GNB1: variants seen among roughly 807,000 people sequenced by gnomAD.
GNB1 encodes G protein subunit beta 1.
A neutral mutation model predicts 42.9 loss-of-function variants in GNB1; 2 were observed. That is an observed-to-expected ratio of 0.05 (90% CI 0.02 to 0.15). The LOEUF (loss-of-function observed/expected upper bound fraction) is 0.15. GNB1 is among the 10% of genes least tolerant of loss of function. The pLI is 1.00. For synonymous variants in GNB1, 183 were observed against 174.7 expected, an observed-to-expected ratio of 1.05 and a Z score of -0.38; for missense variants, 193 against 462.2, an observed-to-expected ratio of 0.42 and a Z score of 5.34.
rs754493796 is a variant in GNB1, at chr1:1,842,715, A to G, written c.-95-3477T>C. Among the ~76,000 whole-genome samples the G allele has an allele frequency of 2.4e-4, 37 of 152,314 alleles. 1 individual carries two copies. The highest frequency in any genetic ancestry group is 5.1e-4 in the Non-Finnish European group (35 of 68,034). On this transcript the variant is annotated intron_variant, in intron 1 of 11. Coordinates refer to ENST00000378609, the MANE Select transcript of GNB1 (RefSeq NM_002074.5). Reference sequence around the variant, plus strand: ...GAAAATGTCATGGAATTAGCTAGAGACGGTGGTTGCAACACATTGTAAATG... The same window carrying G: ...GAAAATGTCATGGAATTAGCTAGAGGCGGTGGTTGCAACACATTGTAAATG...
chr1:1,792,453 T>C (rs1052930461), intron 8 of GNB1, among the ~76,000 whole-genome samples: 2 of 152,124 alleles, frequency 1.3e-5, no homozygotes, highest in African/African-American at 4.8e-5. Flanking sequence ...ATCCCAGCAC[T>C]TTCAGAGGCT....
At chr1:1,825,894 T>C (rs913224691) in intron 2 of GNB1, among the ~76,000 whole-genome samples, 2 of 151,448 alleles carry the variant, frequency 1.3e-5, no homozygotes, top group South Asian at 2.1e-4. Flanking sequence ...GTCTGAGAAC[T>C]ATGGTCTCAT....
chr1:1,854,270 G>A (rs1438902635), intron 1 of GNB1, among the ~76,000 whole-genome samples: 4 of 152,170 alleles, frequency 2.6e-5, no homozygotes, highest in South Asian at 4.1e-4. Context: ...ATCTGAGCGG[G>A]GTCCCAAGGA....
intron 2 of GNB1, among the ~76,000 whole-genome samples, chr1:1,833,904 G>C (rs1441839082): frequency 6.6e-6 from 1 of 152,124 alleles, no homozygotes; most frequent in Non-Finnish European, 1.5e-5. Flanking sequence ...CAAAGCTCTA[G>C]AACTAGAAGA....
chr1:1,791,410 G>A (rs1433932601), intron 8 of GNB1, among the ~76,000 whole-genome samples: 1 of 152,016 alleles, frequency 6.6e-6, no homozygotes, highest in Non-Finnish European at 1.5e-5. Context: ...CCTGACCTCA[G>A]GTGATCCGCC....
intron 5 of GNB1, among the ~76,000 whole-genome samples, chr1:1,810,434 G>A (rs968056340): frequency 4.6e-5 from 7 of 151,534 alleles, no homozygotes; most frequent in Non-Finnish European, 1.0e-4. Context: ...TACTCAGGAG[G>A]CTGAGGCAGG....
chr1:1,789,631 G>A (rs1646454999), intron 9 of GNB1, among the ~76,000 whole-genome samples: 1 of 151,706 alleles, frequency 6.6e-6, no homozygotes, highest in Admixed American at 6.6e-5. Flanking sequence ...GGCGGCGGAG[G>A]CTGCGGTGAG....
intron 1 of GNB1, among the ~76,000 whole-genome samples, chr1:1,844,632 G>A (rs1647520724): frequency 6.6e-6 from 1 of 152,132 alleles, no homozygotes; most frequent in Non-Finnish European, 1.5e-5. Context: ...ACTTGTGGGG[G>A]ATGATTTCTT....
intron 8 of GNB1, among the ~76,000 whole-genome samples, chr1:1,792,240 C>T (rs1178440972): frequency 6.6e-6 from 1 of 152,060 alleles, no homozygotes; most frequent in Non-Finnish European, 1.5e-5. Flanking sequence ...TGAATTGTGA[C>T]GTCTGTTATT....
intron 1 of GNB1, among the ~76,000 whole-genome samples, chr1:1,845,273 CATA>C (rs1213482545): frequency 6.6e-6 from 1 of 152,138 alleles, no homozygotes; most frequent in Non-Finnish European, 1.5e-5. Flanking sequence ...ATATTGGTGG[CATA>C]ATAATGCTTA....
intron 2 of GNB1, among the ~76,000 whole-genome samples, chr1:1,827,341 G>C (rs1363114079): frequency 6.6e-6 from 1 of 152,188 alleles, no homozygotes; most frequent in Non-Finnish European, 1.5e-5. Context: ...GGGGAGGCAG[G>C]CTGCACAGCA....
At chr1:1,846,810 T>C (rs750148751) in intron 1 of GNB1, among the ~76,000 whole-genome samples, 1 of 152,158 alleles carries the variant, frequency 6.6e-6, no homozygotes, top group Non-Finnish European at 1.5e-5. Flanking sequence ...TCCTCCTCCC[T>C]TGGCCTCCCA....
intron 1 of GNB1, chr1:1,839,538 T>C (rs1647196195): frequency 6.6e-6 from 1 of 151,866 alleles, no homozygotes; most frequent in African/African-American, 2.4e-5. Flanking sequence ...CTAGAAAAAT[T>C]ACAGTAACAA....
chr1:1,790,601 A>G lies in GNB1; in HGVS notation c.498-5T>C. The G allele has an allele frequency of 6.2e-7, 1 of 1,607,266 alleles. No individual in the cohort carries two copies. Among genetic ancestry groups the G allele is most frequent in the Non-Finnish European group, 8.5e-7 (1 of 1,173,916 alleles). ...GTCTCGATGTCCCACAGGGCACTGG[A>G]GCAGGAGCGAATGACAAGGGGACAT... On this transcript the variant is annotated splice_polypyrimidine_tract_variant and splice_region_variant and intron_variant, in intron 8 of 11. Coordinates refer to ENST00000378609, the MANE Select transcript of GNB1 (RefSeq NM_002074.5). The surrounding 1 kb of genome is among the most constrained non-coding windows in gnomAD (Gnocchi z 5.4).
chr1:1,874,605 TAAAAAAAAA>T (rs34864042), intron 1 of GNB1, among the ~76,000 whole-genome samples: 36 of 47,024 alleles, frequency 7.7e-4, no homozygotes, highest in Middle Eastern at 0.02. Flanking sequence ...AGACTCCATC[TAAAAAAAAA>T]AAAAAAAAAA....
intron 1 of GNB1, among the ~76,000 whole-genome samples, chr1:1,864,849 C>T (rs576349443): frequency 1.3e-5 from 2 of 152,352 alleles, no homozygotes; most frequent in East Asian, 1.9e-4. Context: ...TTTCACAAAA[C>T]GTAAAGGTTT....
chr1:1,845,600 AAATAAT>A (rs773319374), intron 1 of GNB1, among the ~76,000 whole-genome samples: 2 of 151,790 alleles, frequency 1.3e-5, no homozygotes, highest in African/African-American at 4.8e-5. Context: ...AATAAAATAA[AAATAAT>A]AATAATAATG....
intron 8 of GNB1, among the ~76,000 whole-genome samples, chr1:1,792,919 A>T (rs967758649): frequency 9.2e-5 from 14 of 151,934 alleles, no homozygotes; most frequent in African/African-American, 3.4e-4. Flanking sequence ...TACAAAAATT[A>T]GTCAGGCGTG....
intron 1 of GNB1, among the ~76,000 whole-genome samples, chr1:1,873,073 C>A (rs1424283568): frequency 6.7e-6 from 1 of 149,040 alleles, no homozygotes; most frequent in East Asian, 2.0e-4. Context: ...TTTTTTTCTT[C>A]ATTTTCGGTA....
Sources: gnomAD v4.1 joint callset for allele counts (sites outside exome capture counted in the v4.1 genomes callset) on GRCh38, gnomAD v4.1.1 for gene constraint, Gnocchi (gnomAD v3.1) non-coding constraint, MANE v1.5 for transcripts, NCBI Gene and HGNC (gene_info 2026-07-23, HGNC 2026-07-21) for gene names.